SMOC2: variants seen among roughly 807,000 people sequenced by gnomAD.
The protein encoded by SMOC2 is SPARC-related modular calcium-binding protein 2.
A neutral mutation model predicts 61.4 loss-of-function variants in SMOC2; 39 were observed. That is an observed-to-expected ratio of 0.64 (90% CI 0.49 to 0.83). The LOEUF is 0.83. Among genes scored for constraint, SMOC2 ranks in the 40% least tolerant of loss-of-function variants. The probability of loss-of-function intolerance (pLI) is 0.00; values close to 1 mark genes in which losing one functional copy is unlikely to be tolerated. For synonymous variants in SMOC2, 247 were observed against 239.9 expected (o/e 1.03, Z -0.27); for missense variants, 556 against 592.9 (o/e 0.94, Z 0.65).
intron 7 of SMOC2, among the ~76,000 whole-genome samples, chr6:168,579,775 G>T (rs1784882982): frequency 1.3e-5 from 2 of 152,270 alleles, no homozygotes; most frequent in Middle Eastern, 6.8e-3. Flanking sequence ...CAGGGCTGGG[G>T]ACCCAGGGAT....
chr6:168,480,797 G>A (rs903324206), intron 1 of SMOC2, among the ~76,000 whole-genome samples: 1 of 152,140 alleles, frequency 6.6e-6, no homozygotes, highest in African/African-American at 2.4e-5. Context: ...AATAGACAAA[G>A]AGAATTTTGA....
chr6:168,462,302 C>T (rs1781734873), intron 1 of SMOC2, among the ~76,000 whole-genome samples: 1 of 152,160 alleles, frequency 6.6e-6, no homozygotes, highest in African/African-American at 2.4e-5. Context: ...ACAGATTGTC[C>T]TGGGGGAAGT....
intron 4 of SMOC2, among the ~76,000 whole-genome samples, chr6:168,539,562 G>C (rs893544468): frequency 6.6e-6 from 1 of 152,244 alleles, no homozygotes; most frequent in Admixed American, 6.5e-5. Flanking sequence ...CCAGGACAGC[G>C]GGCTCAGGCC....
chr6:168,603,791 G>A lies in SMOC2; in HGVS notation c.825-4366G>A, dbSNP rs1183111721. ...AAGGAAATGGCAGGGGCGACTCCCT[G>A]AAATGCCGACATCAGAGTCAAGACC... is the stretch of plus-strand genomic sequence containing the variant. On this transcript the variant is annotated intron_variant, in intron 8 of 12. Coordinates refer to ENST00000356284, the MANE Select transcript of SMOC2 (RefSeq NM_001166412.2). 6.6e-5 allele frequency among the ~76,000 whole-genome samples: 10 copies of A among 152,120 alleles called. No individual in the cohort carries two copies. In the East Asian group the frequency reaches 1.9e-3, roughly 29 times the overall value.
chr6:168,603,959 T>A (rs1785622237), intron 8 of SMOC2, among the ~76,000 whole-genome samples: 1 of 152,188 alleles, frequency 6.6e-6, no homozygotes, highest in South Asian at 2.1e-4. Flanking sequence ...TGTAGTGAGA[T>A]GAGAAACTGA....
intron 8 of SMOC2, among the ~76,000 whole-genome samples, chr6:168,607,868 T>TCCATCCAACCC (rs1179917223): frequency 2.8e-4 from 42 of 151,210 alleles, no homozygotes; most frequent in Admixed American, 3.3e-4. Context: ...GTGTGGGTGC[T>TCCATCCAACCC]TGGCAGCTGC....
At chr6:168,523,262 G>T (rs1783375003) in intron 2 of SMOC2, among the ~76,000 whole-genome samples, 1 of 140,482 alleles carries the variant, frequency 7.1e-6, no homozygotes, top group Non-Finnish European at 1.5e-5. Context: ...CTAATTTTTT[G>T]TATTTTTAGT....
chr6:168,499,237 G>A (rs1782668977), intron 1 of SMOC2, among the ~76,000 whole-genome samples: 3 of 152,222 alleles, frequency 2.0e-5, no homozygotes, highest in East Asian at 1.9e-4. Context: ...CCCGGGAGAC[G>A]GTGCTGCATG....
At chr6:168,575,516 C>T (rs945311510) in intron 7 of SMOC2, among the ~76,000 whole-genome samples, 2 of 152,148 alleles carry the variant, frequency 1.3e-5, no homozygotes, top group Non-Finnish European at 2.9e-5. Context: ...CAGAACTTCC[C>T]TTCAGTTCCC....
At position 168,441,245 on chromosome 6, in the gene SMOC2, G is replaced by A. The variant is rs975892914; in HGVS notation, c.-126G>A. On this transcript the variant is annotated 5_prime_UTR_variant, in exon 1 of 13. Transcript: ENST00000356284. ...CTCCAGCCGGGCCGCCGGGAGCGGT[G>A]GGGAGAGCATCGCGGAGCCGCCCCT... is the stretch of plus-strand genomic sequence containing the variant. 9 of 1,334,468 alleles carry A rather than the reference G, an allele frequency of 6.7e-6. No homozygotes were observed. The Middle Eastern group carries it at 1.1e-3, about 163-fold the overall frequency. The allele number at this position is 1,334,468 out of a possible 1,614,324, so 82.7% of individuals were successfully genotyped here.
At chr6:168,521,136 G>C (rs1280132447) in intron 2 of SMOC2, among the ~76,000 whole-genome samples, 1 of 152,122 alleles carries the variant, frequency 6.6e-6, no homozygotes, top group Non-Finnish European at 1.5e-5. Context: ...ACATTTTAAT[G>C]GTTTCCATGA....
chr6:168,650,566 T>G, intron 9 of SMOC2, 115 bp from the exon 10 acceptor site: 1 of 897,526 alleles, frequency 1.1e-6, no homozygotes, highest in Non-Finnish European at 1.7e-6. Flanking sequence ...CTCATTAAGA[T>G]TAAGGTAGGC....
In SMOC2 at chr6:168,549,164, C is replaced by G. The variant is rs775336196; in HGVS notation, c.598C>G (p.Gln200Glu). Residue 200 changes from glutamine (Q) to glutamate (E), a missense_variant, in exon 7 of 13, where the codon CAG (glutamine) becomes GAG (glutamate). Coordinates refer to ENST00000356284, the MANE Select transcript of SMOC2 (RefSeq NM_001166412.2). ...ASRYPTLWTE[Q>E]VKSRQNKTNK... ...ACGTTACCCTACCCTTTGGACTGAACAGGTTAAAAGTCGGCAGAACAAAAC... is the reference window on the plus strand; with the variant it reads ...ACGTTACCCTACCCTTTGGACTGAAGAGGTTAAAAGTCGGCAGAACAAAAC... The G allele has an allele frequency of 6.8e-6, 11 of 1,614,010 alleles. No individual in the cohort carries two copies. Among genetic ancestry groups the G allele is most frequent in the Non-Finnish European group, 9.3e-6 (11 of 1,180,010 alleles).
intron 1 of SMOC2, among the ~76,000 whole-genome samples, chr6:168,490,039 C>T (rs1451659548): frequency 4.0e-5 from 6 of 151,094 alleles, no homozygotes; most frequent in East Asian, 2.0e-4. Context: ...GGAAATATGT[C>T]GAATCATCTG....
intron 2 of SMOC2, among the ~76,000 whole-genome samples, chr6:168,525,472 G>A (rs1258696707): frequency 6.6e-6 from 1 of 152,238 alleles, no homozygotes; most frequent in African/African-American, 2.4e-5. Context: ...CACGGATCCT[G>A]CATTACTGCT....
chr6:168,525,101 A>T (rs2115072861), intron 2 of SMOC2, among the ~76,000 whole-genome samples: 1 of 152,378 alleles, frequency 6.6e-6, no homozygotes, highest in East Asian at 1.9e-4. Flanking sequence ...TTGTGATTGA[A>T]ATCTGGAAAT....
intron 1 of SMOC2, among the ~76,000 whole-genome samples, chr6:168,504,743 C>G (rs1436950524): frequency 2.0e-5 from 3 of 152,054 alleles, no homozygotes; most frequent in East Asian, 3.9e-4. Flanking sequence ...TTTCTGCCCT[C>G]TGGATTTTCA....
intron 3 of SMOC2, among the ~76,000 whole-genome samples, chr6:168,527,347 C>T (rs1336420740): frequency 1.3e-5 from 2 of 152,194 alleles, no homozygotes; most frequent in Admixed American, 6.5e-5. Flanking sequence ...GGCTAGGGCT[C>T]CATCTGGAAG....
At chr6:168,627,343 C>T (rs1163514765) in intron 9 of SMOC2, among the ~76,000 whole-genome samples, 3 of 152,152 alleles carry the variant, frequency 2.0e-5, no homozygotes, top group Non-Finnish European at 4.4e-5. Context: ...ATGTTAGAGG[C>T]ACAGGGAAGA....
Sources: gnomAD v4.1 joint callset for allele counts (sites outside exome capture counted in the v4.1 genomes callset) on GRCh38, gnomAD v4.1.1 for gene constraint, MANE v1.5 for transcripts, NCBI Gene and HGNC (gene_info 2026-07-23, HGNC 2026-07-21) for gene names.